Variants in GNB1L observed in about 807,000 individuals in gnomAD.
GNB1L encodes G protein subunit beta 1 like, also known as guanine nucleotide-binding protein subunit beta-like protein 1.
GNB1L carries 20 observed loss-of-function variants against 29.1 expected under a neutral mutation model. That is an observed-to-expected ratio of 0.69 (90% CI 0.48 to 1.00). GNB1L has a LOEUF of 1.00. Among genes scored for constraint, GNB1L ranks in the 50% least tolerant of loss-of-function variants. GNB1L has a pLI of 0.00. For synonymous variants in GNB1L, 193 were observed against 206.5 expected, an observed-to-expected ratio of 0.93 and a Z score of 0.56; for missense variants, 421 against 464.9, an observed-to-expected ratio of 0.91 and a Z score of 0.87.
rs191288017 is a variant in GNB1L at position 19,847,609 on chromosome 22, G to A, written c.-21+6834C>T. The A allele has an allele frequency of 2.2e-4, 214 of 979,826 alleles. No homozygotes were observed. The African/African-American group carries it at 3.1e-3, about 14-fold the overall frequency. 60.7% of individuals were successfully genotyped at this position (979,826 alleles called of 1,614,324 possible). ...AGTCCCTGCTCTAAACCCCCATGTA[G>A]TGGTACCGAACCATGACCACCCCTG... On this transcript the variant is annotated intron_variant, in intron 2 of 7. Coordinates refer to ENST00000329517, the MANE Select transcript of GNB1L (RefSeq NM_053004.3).
At chr22:19,851,792 T>C (rs373296561) in intron 2 of GNB1L, 9 of 1,613,732 alleles carry the variant, frequency 5.6e-6, no homozygotes, top group Non-Finnish European at 7.6e-6. Context: ...CCCATCAAGG[T>C]AGGGGGCTGC....
chr22:19,840,930 G>C (rs779388375), intron 2 of GNB1L, among the ~76,000 whole-genome samples: 1 of 152,164 alleles, frequency 6.6e-6, no homozygotes, highest in Non-Finnish European at 1.5e-5. Flanking sequence ...AACAAATCCC[G>C]GTGGAGGAAC....
intron 7 of GNB1L, among the ~76,000 whole-genome samples, chr22:19,799,653 A>G (rs1937346395): frequency 6.6e-6 from 1 of 152,198 alleles, no homozygotes; most frequent in African/African-American, 2.4e-5. Context: ...AGGCTTCGGC[A>G]GGAGGGTGTG....
intron 6 of GNB1L, among the ~76,000 whole-genome samples, chr22:19,802,865 G>C (rs1937391155): frequency 6.6e-6 from 1 of 152,266 alleles, no homozygotes; most frequent in South Asian, 2.1e-4. Flanking sequence ...GCCCTGGGCA[G>C]ACACCTCGTT....
At chr22:19,815,965 TCTCC>T (rs1175483076) in intron 4 of GNB1L, among the ~76,000 whole-genome samples, 4 of 152,124 alleles carry the variant, frequency 2.6e-5, no homozygotes, top group Admixed American at 2.0e-4. Context: ...GTGGCCTGCT[TCTCC>T]CGGCCCCTCC....
chr22:19,834,838 T>G (rs558494639), intron 2 of GNB1L, among the ~76,000 whole-genome samples: 142 of 152,144 alleles, frequency 9.3e-4, no homozygotes, highest in African/African-American at 3.3e-3. Context: ...ATAGTAGACC[T>G]AAATATAACC....
chr22:19,820,323 C>A (rs796174287), intron 4 of GNB1L, among the ~76,000 whole-genome samples: 31 of 152,326 alleles, frequency 2.0e-4, no homozygotes, highest in African/African-American at 7.5e-4. Flanking sequence ...ATGTCACCAG[C>A]CCTGGAGCTC....
intron 2 of GNB1L, among the ~76,000 whole-genome samples, chr22:19,823,010 C>A (rs73379955): frequency 6.6e-6 from 1 of 152,056 alleles, no homozygotes; most frequent in Admixed American, 6.5e-5. Flanking sequence ...CCCAAGCGGG[C>A]GGCATGGGGG....
chr22:19,790,868 G>A (rs1484716874), intron 7 of GNB1L, among the ~76,000 whole-genome samples: 1 of 152,182 alleles, frequency 6.6e-6, no homozygotes, highest in African/African-American at 2.4e-5. Flanking sequence ...TAAGAACAGG[G>A]TAATCTGAAT....
intron 2 of GNB1L, among the ~76,000 whole-genome samples, chr22:19,837,930 G>A (rs1325970175): frequency 1.3e-5 from 2 of 152,228 alleles, no homozygotes; most frequent in African/African-American, 2.4e-5. Context: ...TACAGTGACA[G>A]AAAGCAGATT....
intron 2 of GNB1L, among the ~76,000 whole-genome samples, chr22:19,822,096 A>G (rs2145882999): frequency 6.6e-6 from 1 of 152,104 alleles, no homozygotes; most frequent in African/African-American, 2.4e-5. Context: ...GCTGGGCCCC[A>G]GGCCTGCCCC....
At chr22:19,798,361 G>A (rs937997674) in intron 7 of GNB1L, among the ~76,000 whole-genome samples, 11 of 152,190 alleles carry the variant, frequency 7.2e-5, no homozygotes, top group Admixed American at 6.5e-4. Context: ...TGATGCCATC[G>A]TCACCCATTT....
At chr22:19,791,575 C>T (rs1207144229) in intron 7 of GNB1L, among the ~76,000 whole-genome samples, 1 of 152,164 alleles carries the variant, frequency 6.6e-6, no homozygotes, top group African/African-American at 2.4e-5. Flanking sequence ...GGGCTGAAAT[C>T]CATGGGGCAA....
At chr22:19,851,502 G>A in intron 2 of GNB1L, 1 of 1,614,176 alleles carries the variant, frequency 6.2e-7, no homozygotes, top group Non-Finnish European at 8.5e-7. Flanking sequence ...TGCTCGAACA[G>A]AGCACTTCTA....
rs1320933933 is a variant in GNB1L, at chr22:19,816,256, G to A, written c.255-3809C>T. On this transcript the variant is annotated intron_variant, in intron 4 of 7. Coordinates refer to ENST00000329517, the MANE Select transcript of GNB1L (RefSeq NM_053004.3). This position sits in a 1 kb window ranked among gnomAD's most constrained non-coding sequence, Gnocchi z 4.4. ...CCAGTCGTCACGCTGCGAGGCACAC[G>A]ATGTGACCTGCCCACCATCAGGGGT... Among the ~76,000 whole-genome samples, 4 of 152,298 alleles carry A rather than the reference G, an allele frequency of 2.6e-5. No homozygotes were observed. The highest frequency in any genetic ancestry group is 4.1e-4 in the South Asian group (2 of 4,824).
rs1211876845 is a variant in GNB1L at position 19,853,750 on chromosome 22, C to T, written c.-21+693G>A. 2.0e-5 allele frequency among the ~76,000 whole-genome samples: 3 copies of T among 152,110 alleles called. No homozygotes were observed. In the East Asian group the frequency reaches 5.8e-4, roughly 29 times the overall value. On this transcript the variant is annotated intron_variant, in intron 2 of 7. Transcript: ENST00000329517. ...GGGGTCTTCACCTGAAAGCCCAGCCCATGACCCTGGCTTCCCACCTTACTG... is the reference window on the plus strand; with the variant it reads ...GGGGTCTTCACCTGAAAGCCCAGCCTATGACCCTGGCTTCCCACCTTACTG...
At chr22:19,829,236 G>A (rs781534338) in intron 2 of GNB1L, among the ~76,000 whole-genome samples, 1 of 152,166 alleles carries the variant, frequency 6.6e-6, no homozygotes, top group Admixed American at 6.5e-5. Flanking sequence ...GATCTATAAT[G>A]GAACTTTACA....
intron 2 of GNB1L, among the ~76,000 whole-genome samples, chr22:19,836,270 T>A (rs911187533): frequency 6.6e-6 from 1 of 152,020 alleles, no homozygotes; most frequent in Non-Finnish European, 1.5e-5. Context: ...ACAACTCAAA[T>A]AAATTCAAGC....
rs532112211 is a variant in GNB1L, at chr22:19,786,235, T to A, written c.*2474A>T. On this transcript the variant is annotated 3_prime_UTR_variant, in exon 8 of 8. Coordinates refer to ENST00000329517, the MANE Select transcript of GNB1L (RefSeq NM_053004.3). The stretch of plus-strand genomic sequence containing the variant: ...CATGCAGGACTCACGCTGTCCCGAC[T>A]CCATCCCTGCACACTGAGATTCAGA... 2.0e-5 allele frequency: 3 copies of A among 152,440 alleles called. No homozygotes were observed. In the South Asian group the frequency reaches 6.2e-4, roughly 32 times the overall value. 9.4% of individuals were successfully genotyped at this position (152,440 alleles called of 1,614,324 possible). A position where few individuals can be genotyped will look rare whatever the true frequency, so the allele number is the denominator to read the frequency against.
Sources: allele counts gnomAD v4.1 joint callset (sites outside exome capture counted in the v4.1 genomes callset), GRCh38; gene constraint gnomAD v4.1.1; non-coding constraint Gnocchi (gnomAD v3.1); transcripts MANE v1.5; gene names NCBI Gene and HGNC (gene_info 2026-07-23, HGNC 2026-07-21).